The following ESCO2 variants were observed in gnomAD, a reference collection of about 807,000 sequenced individuals.
ESCO2 encodes the protein establishment of sister chromatid cohesion N-acetyltransferase 2, also known as N-acetyltransferase ESCO2.
In ESCO2, 51 loss-of-function variants were observed where a neutral mutation model predicts 61.7. The ratio of observed to expected loss-of-function variants is 0.83; its 90% CI spans 0.66 to 1.04. ESCO2 has a LOEUF of 1.04. Ranked by LOEUF, ESCO2 falls within the 50% of genes least tolerant of loss-of-function variation. The pLI is 0.00. For missense variants in ESCO2, 692 were observed against 686.2 expected (o/e 1.01, Z -0.09); for synonymous variants, 230 against 238.2 (o/e 0.97, Z 0.32).
chr8:27,776,554 C>T lies in ESCO2; in HGVS notation c.246C>T (p.Ser82=). The change falls in exon 3 of 11, where the codon TCC becomes TCT. Residue 82 remains serine (S), a synonymous_variant. Coordinates refer to ENST00000305188, the MANE Select transcript of ESCO2 (RefSeq NM_001017420.3). ...GCTCACCATTTAAATCTGCGCTCTCCACTGTATCTTTTTACAACCAAAATA... is the reference window on the plus strand; with the variant it reads ...GCTCACCATTTAAATCTGCGCTCTCTACTGTATCTTTTTACAACCAAAATA... ...NQGSPFKSAL[S]TVSFYNQNKW... is the part of the protein sequence containing the mutation. 1.2e-6 allele frequency: 2 copies of T among 1,614,102 alleles called. No homozygotes were observed. Among genetic ancestry groups the T allele is most frequent in the Non-Finnish European group, 1.7e-6 (2 of 1,180,018 alleles).
chr8:27,818,565 TA>T, the ESCO2 span, among the ~76,000 whole-genome samples: 1 of 152,212 alleles, frequency 6.6e-6, no homozygotes, highest in East Asian at 1.9e-4. Flanking sequence ...TATATTTTCC[TA>T]ATTGCCATTT....
chr8:27,804,291 A>G lies in ESCO2; in HGVS notation c.*853A>G, dbSNP rs945235132. On this transcript the variant is annotated 3_prime_UTR_variant, in exon 11 of 11. Transcript: ENST00000305188. ...ACTTAGTTAATTTTTGTTGTATGGA[A>G]ATATTGGTAGTACTACTTTGGGAAC... 27 of 985,246 alleles carry G rather than the reference A, an allele frequency of 2.7e-5. No individual in the cohort carries two copies. Among genetic ancestry groups the G allele is most frequent in the Non-Finnish European group, 2.9e-5 (24 of 829,900 alleles). 61.0% of individuals were successfully genotyped at this position (985,246 alleles called of 1,614,324 possible).
chr8:27,811,115 A>G (rs1805672687), downstream of ESCO2: 1 of 1,613,806 alleles, frequency 6.2e-7, no homozygotes, highest in Admixed American at 1.7e-5. Context: ...TGCCAATGTA[A>G]CAAGCCTCAG....
chr8:27,780,390 C>A, intron 4 of ESCO2, 123 bp downstream of exon 4: 2 of 677,332 alleles, frequency 3.0e-6, no homozygotes, highest in Non-Finnish European at 2.6e-6. Flanking sequence ...TGGTTAGTAT[C>A]TTTGTTTATC....
At chr8:27,785,529 G>A (rs749372746) in intron 5 of ESCO2, among the ~76,000 whole-genome samples, 1 of 151,914 alleles carries the variant, frequency 6.6e-6, no homozygotes, top group Non-Finnish European at 1.5e-5. Flanking sequence ...TGGGGAAACC[G>A]TCTTTCCAAA....
chr8:27,799,165 A>C (rs1377119047), intron 9 of ESCO2, among the ~76,000 whole-genome samples: 2 of 152,058 alleles, frequency 1.3e-5, no homozygotes, highest in Non-Finnish European at 2.9e-5. Flanking sequence ...ATGCCAACCA[A>C]ATTTCATAGT....
intron 7 of ESCO2, among the ~76,000 whole-genome samples, chr8:27,791,245 T>G (rs1352508888): frequency 6.6e-6 from 1 of 152,204 alleles, no homozygotes; most frequent in African/African-American, 2.4e-5. Context: ...CATTTTATAG[T>G]TTTGTCATGG....
intron 6 of ESCO2, 70 bp downstream of exon 6, chr8:27,788,072 G>T (rs1805088637): frequency 1.9e-6 from 2 of 1,062,012 alleles, no homozygotes; most frequent in Non-Finnish European, 2.9e-6. Context: ...CCCTGTATTA[G>T]ACAGTTCAGA....
intron 10 of ESCO2, among the ~76,000 whole-genome samples, chr8:27,802,463 C>G (rs1194467066): frequency 6.7e-6 from 1 of 148,648 alleles, no homozygotes; most frequent in Non-Finnish European, 1.5e-5. Flanking sequence ...CCAAATTAGC[C>G]GGGTGTGGTG....
At chr8:27,802,649 AT>A (rs1805470021) in intron 10 of ESCO2, among the ~76,000 whole-genome samples, 3 of 73,114 alleles carry the variant, frequency 4.1e-5, no homozygotes, top group African/African-American at 1.7e-4. Context: ...ATATATATAT[AT>A]ATATATTATA....
downstream of ESCO2, among the ~76,000 whole-genome samples, chr8:27,816,359 T>TATATA (rs1563489324): frequency 6.1e-3 from 767 of 126,674 alleles, 16 homozygotes; most frequent in African/African-American, 0.022. Context: ...ATATATATAT[T>TATATA]TATTTATTTA....
Position 27,805,005 on chromosome 8 carries a change from G to A in ESCO2, c.*1567G>A, listed in dbSNP as rs990787308. The A allele has an allele frequency of 1.7e-5, 3 of 175,078 alleles. No homozygotes were observed. The highest frequency in any genetic ancestry group is 4.2e-5 in the African/African-American group (1 of 23,850). 10.8% of individuals were successfully genotyped at this position (175,078 alleles called of 1,614,324 possible). ...TGCCAAAAGAAGAGGCTTCCCGGCC[G>A]GGCGCGGTGGCTCACGCCTGTAATC... On this transcript the variant is annotated 3_prime_UTR_variant, in exon 11 of 11. Coordinates refer to ENST00000305188, the MANE Select transcript of ESCO2 (RefSeq NM_001017420.3).
intron 1 of ESCO2, chr8:27,774,959 C>T (rs961288631): frequency 6.4e-6 from 1 of 156,304 alleles, no homozygotes; most frequent in South Asian, 1.9e-4. Context: ...AGACCCTGGC[C>T]TTTCAGTTTG....
downstream of ESCO2, among the ~76,000 whole-genome samples, chr8:27,815,141 C>T (rs533062812): frequency 3.3e-5 from 5 of 152,062 alleles, no homozygotes; most frequent in African/African-American, 1.2e-4. Context: ...CCCTGAGAGT[C>T]TCAAGAACTT....
At chr8:27,816,377 AT>A (rs1183832811), downstream of ESCO2, among the ~76,000 whole-genome samples, 496 of 112,470 alleles carry the variant, frequency 4.4e-3, no homozygotes, top group East Asian at 6.8e-3. Context: ...TTATTTATTT[AT>A]TTTAATTTAT....
chr8:27,784,093 TA>T, intron 5 of ESCO2, 36 bp downstream of exon 5: 1 of 1,586,986 alleles, frequency 6.3e-7, no homozygotes, highest in Non-Finnish European at 8.7e-7. Context: ...CCAAGCCTTG[TA>T]AATTATACAG....
rs1248234223 is a variant in ESCO2 at position 27,803,450 on chromosome 8, G to C, written c.*12G>C. ...ATTTTAATAGTTAAAGCTGATTTCA[G>C]TTATAAAGGAGTTACTATCTGGATA... On this transcript the variant is annotated 3_prime_UTR_variant, in exon 11 of 11. Transcript: ENST00000305188. 1 of 1,612,070 alleles carries C rather than the reference G, an allele frequency of 6.2e-7. No homozygotes were observed.
At chr8:27,811,253 G>C, downstream of ESCO2, 1 of 812,366 alleles carries the variant, frequency 1.2e-6, no homozygotes, top group Non-Finnish European at 2.0e-6. Context: ...AGTGTAGCCA[G>C]AAAATGTAAA....
chr8:27,786,159 T>C (rs1805036372), intron 5 of ESCO2, among the ~76,000 whole-genome samples: 1 of 152,186 alleles, frequency 6.6e-6, no homozygotes, highest in Non-Finnish European at 1.5e-5. Context: ...CAGACCAGTT[T>C]AGGGTGTCAT....
Sources: allele counts gnomAD v4.1 joint callset (sites outside exome capture counted in the v4.1 genomes callset), GRCh38; gene constraint gnomAD v4.1.1; transcripts MANE v1.5; gene names NCBI Gene and HGNC (gene_info 2026-07-23, HGNC 2026-07-21).